Variants in BCO1 observed in about 807,000 individuals in gnomAD.
BCO1 encodes the protein beta-carotene oxygenase 1.
BCO1 carries 54 observed loss-of-function variants against 56.3 expected under a neutral mutation model. That is an observed-to-expected ratio of 0.96 (90% CI 0.77 to 1.20). The LOEUF is 1.20. Among genes scored for constraint, BCO1 ranks in the 50% most tolerant of loss-of-function variants. The pLI is 0.00. For missense variants in BCO1, 801 were observed against 690.9 expected, an observed-to-expected ratio of 1.16 and a Z score of -1.79; for synonymous variants, 318 against 266.1, an observed-to-expected ratio of 1.20 and a Z score of -1.90.
chr16:81,266,081 A>C (rs7190165), intron 5 of BCO1, among the ~76,000 whole-genome samples: 22,580 of 152,022 alleles, frequency 0.15, 2,922 homozygotes, highest in African/African-American at 0.35. Context: ...TCCTGACAAA[A>C]CTTTCTATGA....
In BCO1 at chr16:81,238,774, G is replaced by T; in HGVS notation, c.-135G>T. The T allele has an allele frequency of 1.2e-6, 1 of 805,790 alleles. No homozygotes were observed. The highest frequency in any genetic ancestry group is 2.6e-5 in the East Asian group (1 of 38,348). The allele number at this position is 805,790 out of a possible 1,614,324, so 49.9% of individuals were successfully genotyped here. Reference sequence around the variant, plus strand: ...AAAAGCAAAGGCAGAAACGGCATCAGGAGAGACAGAGATGTGAAGGAGGGA... The same window carrying T: ...AAAAGCAAAGGCAGAAACGGCATCATGAGAGACAGAGATGTGAAGGAGGGA... On this transcript the variant is annotated 5_prime_UTR_variant, in exon 1 of 11. It adds an upstream start codon to the 5' untranslated region. Transcript: ENST00000258168.
At chr16:81,256,422 G>C (rs1311479926) in intron 2 of BCO1, among the ~76,000 whole-genome samples, 1 of 152,132 alleles carries the variant, frequency 6.6e-6, no homozygotes, top group Non-Finnish European at 1.5e-5. Flanking sequence ...CCCAGGCTTG[G>C]CTTTTCCGTG....
At chr16:81,267,805 G>A (rs183231343) in intron 5 of BCO1, 103 bp from the exon 6 acceptor site, 20 of 989,764 alleles carry the variant, frequency 2.0e-5, no homozygotes, top group Non-Finnish European at 3.0e-5. Flanking sequence ...TAATGTAAAG[G>A]TTTTTTTCAG....
chr16:81,289,694 A>G (rs1315058449), intron 10 of BCO1, among the ~76,000 whole-genome samples: 1 of 152,186 alleles, frequency 6.6e-6, no homozygotes. Context: ...GATGCCTGCA[A>G]TAATTTACAG....
Position 81,285,564 on chromosome 16 carries a change from A to G in BCO1, c.1232A>G (p.Tyr411Cys). 1 of 1,613,734 alleles carries G rather than the reference A, an allele frequency of 6.2e-7. No homozygotes were observed. Among genetic ancestry groups the G allele is most frequent in the Non-Finnish European group, 8.5e-7 (1 of 1,179,620 alleles). Residue 411 changes from tyrosine to cysteine, a missense_variant, in exon 9 of 11, where the codon TAT becomes TGT. Transcript: ENST00000258168. ...YEGLELPRVN[Y>C]AHNGKQYRYV... ...GGCTTAGAGCTTCCACGGGTCAATT[A>G]TGCTCACAATGGAAAGCAATACCGA...
Position 81,262,207 on chromosome 16 carries a change from GAGA to G in BCO1, c.399_401del (p.Glu133del). On this transcript the variant is annotated inframe_deletion, in exon 4 of 11. Transcript: ENST00000258168. ...TGCCTGATCAACATCATGAAGTGCG[GAGA>G]AGACTTCTACGCGACCTCAGAGACC... The G allele has an allele frequency of 1.2e-6, 2 of 1,613,568 alleles. No individual in the cohort carries two copies. Among genetic ancestry groups the G allele is most frequent in the South Asian group, 2.2e-5 (2 of 91,056 alleles).
intron 7 of BCO1, among the ~76,000 whole-genome samples, chr16:81,278,860 A>G (rs1907705690): frequency 6.6e-6 from 1 of 152,124 alleles, no homozygotes; most frequent in Non-Finnish European, 1.5e-5. Flanking sequence ...TACTTCTACA[A>G]ATCGAGACTG....
chr16:81,248,282 A>T (rs1191473334), intron 2 of BCO1, among the ~76,000 whole-genome samples: 1 of 151,902 alleles, frequency 6.6e-6, no homozygotes, highest in East Asian at 1.9e-4. Context: ...GAGCACCTGT[A>T]ATCCCAGCTA....
At chr16:81,242,673 C>T (rs990890852) in intron 1 of BCO1, among the ~76,000 whole-genome samples, 1 of 152,102 alleles carries the variant, frequency 6.6e-6, no homozygotes, top group African/African-American at 2.4e-5. Flanking sequence ...TCCCAGTCCA[C>T]AATCCACACC....
At chr16:81,257,304 G>A (rs1015427657) in intron 2 of BCO1, among the ~76,000 whole-genome samples, 7 of 151,986 alleles carry the variant, frequency 4.6e-5, no homozygotes, top group South Asian at 2.1e-4. Context: ...TCGCTCTGTC[G>A]TCCAGGCTAT....
At chr16:81,270,498 G>C in intron 7 of BCO1, 82 bp downstream of exon 7, 1 of 1,566,812 alleles carries the variant, frequency 6.4e-7, no homozygotes, top group South Asian at 1.1e-5. Context: ...TTATTTGATT[G>C]ACATTGAAAT....
chr16:81,252,462 G>A (rs1187340844), intron 2 of BCO1, among the ~76,000 whole-genome samples: 3 of 152,134 alleles, frequency 2.0e-5, no homozygotes, highest in Non-Finnish European at 4.4e-5. Flanking sequence ...CACCATGTTG[G>A]TCAGGCTGGT....
In BCO1 at chr16:81,270,225, A is replaced by G. The variant is rs1907101247; in HGVS notation, c.910A>G (p.Met304Val). 1 of 1,614,196 alleles carries G rather than the reference A, an allele frequency of 6.2e-7. No homozygotes were observed. Among genetic ancestry groups the G allele is most frequent in the Non-Finnish European group, 8.5e-7 (1 of 1,180,026 alleles). The change falls in exon 7 of 11, where the codon ATG becomes GTG. Residue 304 changes from methionine to valine, a missense_variant. Transcript: ENST00000258168. ...GCAGACCAAGTTTTACACAGACGCC[A>G]TGGTGGTCTTCCATCACGTCAACGC... ...PVQTKFYTDA[M>V]VVFHHVNAYE... is the part of the protein sequence containing the mutation.
rs140978768 is a variant in BCO1, at chr16:81,245,700, G to A, written c.193+97G>A. 3 of 1,503,302 alleles carry A rather than the reference G, an allele frequency of 2.0e-6. No individual in the cohort carries two copies. In the African/African-American group the frequency reaches 4.1e-5, roughly 21 times the overall value. 93.1% of individuals were successfully genotyped at this position (1,503,302 alleles called of 1,614,324 possible). On this transcript the variant is annotated intron_variant, in intron 2 of 10. Coordinates refer to ENST00000258168, the MANE Select transcript of BCO1 (RefSeq NM_017429.3). Reference sequence around the variant, plus strand: ...AAATTTATTCTTTTAGGGATTGGAGGTCAGAAGTCTAAATCGGGTCTCACT... The same window carrying A: ...AAATTTATTCTTTTAGGGATTGGAGATCAGAAGTCTAAATCGGGTCTCACT...
At chr16:81,273,499 C>T (rs902431176) in intron 7 of BCO1, among the ~76,000 whole-genome samples, 9 of 152,176 alleles carry the variant, frequency 5.9e-5, no homozygotes, top group African/African-American at 2.2e-4. Context: ...GGGGAGCTGG[C>T]GTTTGAACTG....
chr16:81,267,496 C>T (rs1352271733), intron 5 of BCO1, among the ~76,000 whole-genome samples: 2 of 152,148 alleles, frequency 1.3e-5, no homozygotes, highest in South Asian at 2.1e-4. Context: ...GCCTATTGTA[C>T]CAGCTACTCG....
chr16:81,274,901 CAA>C (rs1233485146), intron 7 of BCO1, among the ~76,000 whole-genome samples: 7 of 124,532 alleles, frequency 5.6e-5, no homozygotes, highest in Admixed American at 8.2e-5. Flanking sequence ...GACTCCATCT[CAA>C]AAAAAAAAAA....
intron 7 of BCO1, among the ~76,000 whole-genome samples, chr16:81,274,858 C>T (rs1428091033): frequency 2.6e-5 from 4 of 151,588 alleles, no homozygotes; most frequent in Non-Finnish European, 5.9e-5. Context: ...AGCCTGATCC[C>T]GCCACTGCAC....
At chr16:81,276,001 C>G (rs571382794) in intron 7 of BCO1, among the ~76,000 whole-genome samples, 10 of 152,362 alleles carry the variant, frequency 6.6e-5, no homozygotes, top group Middle Eastern at 3.4e-3. Context: ...GTGTGAGGCC[C>G]GAGGTTCGTG....
Sources: allele counts gnomAD v4.1 joint callset (sites outside exome capture counted in the v4.1 genomes callset), GRCh38; gene constraint gnomAD v4.1.1; transcripts MANE v1.5; gene names NCBI Gene and HGNC (gene_info 2026-07-23, HGNC 2026-07-21).